OSBPL9: variants seen among roughly 807,000 people sequenced by gnomAD.
The protein encoded by OSBPL9 is oxysterol binding protein like 9, also known as oxysterol-binding protein-related protein 9.
In OSBPL9, 40 loss-of-function variants were observed where a neutral mutation model predicts 106.6. The observed-to-expected ratio is 0.38, with a 90% confidence interval of 0.29 to 0.49. The LOEUF is 0.49. OSBPL9 is among the 20% of genes least tolerant of loss of function. OSBPL9 has a pLI of 0.97. For missense variants in OSBPL9, 609 were observed against 887.2 expected (o/e 0.69, Z 3.98); for synonymous variants, 269 against 295.4 (o/e 0.91, Z 0.92).
rs534720119 is a variant in OSBPL9 at position 51,577,506 on chromosome 1, C to T, written c.-423+250C>T. ...GCCAGGATGGTCTCCGTCTCCTGAC[C>T]TCGTGATCCACCCACCTAGGCCTCC... is the stretch of plus-strand genomic sequence containing the variant. On this transcript the variant is annotated intron_variant, in intron 1 of 25. Transcript: ENST00000371714. 2.0e-4 allele frequency among the ~76,000 whole-genome samples: 31 copies of T among 152,052 alleles called. 2 individuals carry two copies. The South Asian group carries it at 6.2e-3, about 31-fold the overall frequency.
intron 1 of OSBPL9, among the ~76,000 whole-genome samples, chr1:51,620,634 G>A (rs1297014820): frequency 6.6e-6 from 1 of 152,154 alleles, no homozygotes; most frequent in Non-Finnish European, 1.5e-5. Context: ...GAGGAGAGAA[G>A]AGTAAGCAGC....
intron 1 of OSBPL9, among the ~76,000 whole-genome samples, chr1:51,639,702 G>C (rs1180743117): frequency 6.6e-6 from 1 of 151,818 alleles, no homozygotes; most frequent in Non-Finnish European, 1.5e-5. Context: ...TTCATAGCAA[G>C]TCAGTGAGTT....
At chr1:51,703,674 A>G (rs1276351926) in intron 3 of OSBPL9, among the ~76,000 whole-genome samples, 1 of 152,146 alleles carries the variant, frequency 6.6e-6, no homozygotes, top group Non-Finnish European at 1.5e-5. Context: ...TTCCAACACT[A>G]TGTTGAATAG....
the OSBPL9 span, among the ~76,000 whole-genome samples, chr1:51,525,615 T>C: frequency 6.6e-6 from 1 of 152,176 alleles, no homozygotes; most frequent in African/African-American, 2.4e-5. Flanking sequence ...CGATCTCCAA[T>C]ATATATCCAA....
upstream of OSBPL9, among the ~76,000 whole-genome samples, chr1:51,572,553 G>C (rs532411254): frequency 4.6e-5 from 7 of 152,232 alleles, no homozygotes; most frequent in South Asian, 1.5e-3. Flanking sequence ...CAAGTGCAGC[G>C]TGCTATTTTT....
Position 51,639,700 on chromosome 1 carries a change from A to AAGTCAGT in OSBPL9, c.112-12290_112-12284dup, listed in dbSNP as rs539146688. 8.8e-4 allele frequency among the ~76,000 whole-genome samples: 134 copies of AAGTCAGT among 152,326 alleles called. 1 individual carries two copies. Among genetic ancestry groups the AAGTCAGT allele is most frequent in the African/African-American group, 3.1e-3 (130 of 41,572 alleles). ...CTTTTAGCTGTGAGAGATTCATAGC[A>AAGTCAGT]AGTCAGTGAGTTTATTGCTTGATCT... On this transcript the variant is annotated intron_variant, in intron 1 of 23. Transcript: ENST00000428468.
intron 14 of OSBPL9, among the ~76,000 whole-genome samples, chr1:51,775,914 A>G (rs1331562463): frequency 1.3e-5 from 2 of 152,104 alleles, no homozygotes; most frequent in Non-Finnish European, 2.9e-5. Flanking sequence ...CCCAGCCTCC[A>G]CCACAGCTTT....
intron 2 of OSBPL9, among the ~76,000 whole-genome samples, chr1:51,663,804 A>G (rs1436933976): frequency 6.6e-6 from 1 of 152,252 alleles, no homozygotes; most frequent in Non-Finnish European, 1.5e-5. Flanking sequence ...CATTAGAAAA[A>G]GATAGTCCAG....
chr1:51,744,573 G>A (rs1283080867), intron 4 of OSBPL9, among the ~76,000 whole-genome samples: 1 of 152,168 alleles, frequency 6.6e-6, no homozygotes, highest in African/African-American at 2.4e-5. Flanking sequence ...TGCTTTGGGC[G>A]AAGGCAGGGA....
At chr1:51,524,019 T>C in the OSBPL9 span, among the ~76,000 whole-genome samples, 1 of 152,194 alleles carries the variant, frequency 6.6e-6, no homozygotes, top group Non-Finnish European at 1.5e-5. Context: ...TCCATATAGA[T>C]GGTGCTAAAC....
intron 1 of OSBPL9, among the ~76,000 whole-genome samples, chr1:51,581,099 T>C (rs1645219465): frequency 6.7e-6 from 1 of 149,944 alleles, no homozygotes; most frequent in East Asian, 2.0e-4. Context: ...TTGTATTTTT[T>C]TTTTTTATAG....
In OSBPL9 at chr1:51,785,825, A is replaced by T. The variant is rs751535831; in HGVS notation, c.1847A>T (p.Lys616Met). Residue 616 changes from lysine to methionine, a missense_variant, in exon 21 of 24, where the codon AAG becomes ATG. Physicochemically the swap from Lys to Met is moderately conservative, Grantham distance 95. Around this residue, in one of 5 missense-constraint regions of OSBPL9, gnomAD observed 132 missense variants for 158.1 expected, o/e 0.83. Transcript: ENST00000428468. ...TAEIFSPNDK[K>M]SFCSIEGEWN... Reference sequence around the variant, plus strand: ...CTGTTCAGTTCTCCAAATGACAAGAAGTCTTTTTGCTCAATTGAAGGGGAA... The same window carrying T: ...CTGTTCAGTTCTCCAAATGACAAGATGTCTTTTTGCTCAATTGAAGGGGAA... The T allele has an allele frequency of 6.2e-7, 1 of 1,609,136 alleles. No homozygotes were observed. Among genetic ancestry groups the T allele is most frequent in the Non-Finnish European group, 8.5e-7 (1 of 1,178,868 alleles).
chr1:51,612,432 G>A (rs1484158753), upstream of OSBPL9, among the ~76,000 whole-genome samples: 1 of 152,138 alleles, frequency 6.6e-6, no homozygotes, highest in Non-Finnish European at 1.5e-5. Context: ...TCTGAGTCTA[G>A]TCCTTTTTTT....
chr1:51,596,125 G>A (rs1180716212), intron 1 of OSBPL9, among the ~76,000 whole-genome samples: 3 of 151,682 alleles, frequency 2.0e-5, no homozygotes, highest in Non-Finnish European at 4.4e-5. Context: ...GGGCATGGTG[G>A]CGGGCGACTA....
At chr1:51,633,457 G>A (rs1645229813) in intron 1 of OSBPL9, among the ~76,000 whole-genome samples, 1 of 151,672 alleles carries the variant, frequency 6.6e-6, no homozygotes, top group South Asian at 2.1e-4. Context: ...CATGCCTGTG[G>A]TTCCAGCTAC....
At chr1:51,766,737 G>A (rs1022013286) in intron 12 of OSBPL9, among the ~76,000 whole-genome samples, 1 of 151,010 alleles carries the variant, frequency 6.6e-6, no homozygotes, top group South Asian at 2.1e-4. Flanking sequence ...CCTCAAATCT[G>A]TCTCTCTGCA....
chr1:51,595,458 G>A (rs1570536271), intron 1 of OSBPL9, among the ~76,000 whole-genome samples: 1 of 152,256 alleles, frequency 6.6e-6, no homozygotes, highest in East Asian at 1.9e-4. Context: ...GAAATGCAGG[G>A]CCTGAGGGGG....
At chr1:51,705,968 G>A (rs1658461000) in intron 3 of OSBPL9, among the ~76,000 whole-genome samples, 2 of 152,084 alleles carry the variant, frequency 1.3e-5, no homozygotes, top group African/African-American at 2.4e-5. Flanking sequence ...CTATTCTGTT[G>A]TACTGTTTTT....
rs1389793069 is a variant in OSBPL9, at chr1:51,788,450, T to TCCAA, written c.*664_*667dup. 6.5e-6 allele frequency: 1 copy of TCCAA among 152,680 alleles called. No individual in the cohort carries two copies. Among genetic ancestry groups the TCCAA allele is most frequent in the Non-Finnish European group, 1.5e-5 (1 of 68,056 alleles). 9.5% of individuals were successfully genotyped at this position (152,680 alleles called of 1,614,324 possible). A position where few individuals can be genotyped will look rare whatever the true frequency, so the allele number is the denominator to read the frequency against. On this transcript the variant is annotated 3_prime_UTR_variant, in exon 24 of 24. Transcript: ENST00000428468. The stretch of plus-strand genomic sequence containing the variant: ...GCTTAAGGCTTCATAAAGTAATTTT[T>TCCAA]CCAACCTTTTTTTTAAAAATGTGCA...
Sources: allele counts gnomAD v4.1 joint callset (sites outside exome capture counted in the v4.1 genomes callset), GRCh38; gene constraint gnomAD v4.1.1; regional missense constraint gnomAD v4.1.1; transcripts MANE v1.5; gene names NCBI Gene and HGNC (gene_info 2026-07-23, HGNC 2026-07-21).